ANKFN1: variants seen among roughly 807,000 people sequenced by gnomAD.
ANKFN1 encodes the protein ankyrin repeat and fibronectin type III domain containing 1.
Under a neutral mutation model 108.7 loss-of-function variants are expected in ANKFN1, and 74 were observed. That is an observed-to-expected ratio of 0.68 (90% confidence interval 0.56 to 0.83). ANKFN1 has a LOEUF of 0.83. Among genes scored for constraint, ANKFN1 ranks in the 40% least tolerant of loss-of-function variants. The pLI, the probability that ANKFN1 is intolerant of heterozygous loss-of-function variation, is 0.00. For missense variants in ANKFN1, 1,505 were observed against 1,382.3 expected, an observed-to-expected ratio of 1.09 and a Z score of -1.41; for synonymous variants, 547 against 516.2, an observed-to-expected ratio of 1.06 and a Z score of -0.81.
intron 4 of ANKFN1, among the ~76,000 whole-genome samples, chr17:56,124,295 T>G (rs141839521): frequency 2.7e-4 from 41 of 152,322 alleles, no homozygotes; most frequent in African/African-American, 9.4e-4. Context: ...TGCTGAGGCA[T>G]AGAGTACTGA....
chr17:56,096,159 T>A (rs1311005126), intron 4 of ANKFN1, among the ~76,000 whole-genome samples: 3 of 152,216 alleles, frequency 2.0e-5, no homozygotes, highest in Non-Finnish European at 4.4e-5. Context: ...TCCACATTTG[T>A]CCCTTCTCTA....
intron 4 of ANKFN1, among the ~76,000 whole-genome samples, chr17:56,049,601 C>T (rs1330517968): frequency 1.3e-5 from 2 of 150,766 alleles, no homozygotes; most frequent in African/African-American, 4.9e-5. Flanking sequence ...TCCATGTGTT[C>T]TCATAGTTCA....
At chr17:56,158,009 C>T (rs1909274865) in intron 1 of ANKFN1, among the ~76,000 whole-genome samples, 1 of 152,220 alleles carries the variant, frequency 6.6e-6, no homozygotes, top group Admixed American at 6.5e-5. Context: ...GGAGAACACC[C>T]CAGCTTTCAG....
intron 3 of ANKFN1, among the ~76,000 whole-genome samples, chr17:56,277,950 T>G (rs1375006891): frequency 6.6e-6 from 1 of 152,156 alleles, no homozygotes; most frequent in Admixed American, 6.5e-5. Flanking sequence ...ACGAATAAGA[T>G]CAAGACATGA....
chr17:56,266,423 A>G (rs7501479), intron 3 of ANKFN1, among the ~76,000 whole-genome samples: 13,502 of 152,094 alleles, frequency 0.089, 819 homozygotes, highest in African/African-American at 0.17. Flanking sequence ...CTTTCATTCA[A>G]AACCCTATTC....
At chr17:56,459,292 C>T (rs1339601116) in intron 14 of ANKFN1, among the ~76,000 whole-genome samples, 3 of 152,032 alleles carry the variant, frequency 2.0e-5, no homozygotes, top group African/African-American at 7.2e-5. Flanking sequence ...TGTATTTTTA[C>T]CAGAGACAGG....
intron 3 of ANKFN1, among the ~76,000 whole-genome samples, chr17:56,296,516 T>G (rs1333249988): frequency 2.6e-5 from 4 of 152,132 alleles, no homozygotes; most frequent in Non-Finnish European, 5.9e-5. Context: ...AAACCCCATC[T>G]CTACTTAAAA....
At chr17:56,457,012 G>C in intron 12 of ANKFN1, 52 bp downstream of exon 12, 1 of 1,530,724 alleles carries the variant, frequency 6.5e-7, no homozygotes, top group Non-Finnish European at 9.0e-7. Flanking sequence ...AGAATGCACT[G>C]GTTTTGGTTC....
At chr17:56,179,716 A>G (rs899962028) in intron 1 of ANKFN1, among the ~76,000 whole-genome samples, 1 of 152,204 alleles carries the variant, frequency 6.6e-6, no homozygotes, top group Non-Finnish European at 1.5e-5. Flanking sequence ...TGGTTGCTTC[A>G]TCTGTAAAAC....
upstream of ANKFN1, among the ~76,000 whole-genome samples, chr17:56,149,543 G>A (rs908221041): frequency 1.1e-4 from 17 of 152,316 alleles, 1 homozygote; most frequent in Admixed American, 9.2e-4. Flanking sequence ...AAACAGAGAG[G>A]GCTAGAGGCA....
At chr17:56,475,919 T>G (rs375368280) in intron 15 of ANKFN1, among the ~76,000 whole-genome samples, 1 of 152,210 alleles carries the variant, frequency 6.6e-6, no homozygotes, top group African/African-American at 2.4e-5. Context: ...GGAAGTTTAA[T>G]TGAATCACAG....
chr17:56,123,795 TTGTG>T (rs58283151), intron 4 of ANKFN1, among the ~76,000 whole-genome samples: 2,176 of 144,658 alleles, frequency 0.015, 23 homozygotes, highest in South Asian at 0.022. Flanking sequence ...GCATGACTGA[TTGTG>T]TGTGTGTGTG....
intron 1 of ANKFN1, among the ~76,000 whole-genome samples, chr17:56,158,077 C>T (rs924174504): frequency 2.0e-5 from 3 of 152,192 alleles, no homozygotes; most frequent in Non-Finnish European, 4.4e-5. Context: ...CATTAGGCTC[C>T]TCCCACTGAT....
At chr17:56,393,827 AC>A (rs1948314219) in intron 8 of ANKFN1, among the ~76,000 whole-genome samples, 1 of 152,230 alleles carries the variant, frequency 6.6e-6, no homozygotes, top group African/African-American at 2.4e-5. Context: ...TCTAGTCACC[AC>A]AAATGCAGCA....
chr17:56,468,417 T>C (rs2050205349), intron 15 of ANKFN1, among the ~76,000 whole-genome samples: 1 of 151,906 alleles, frequency 6.6e-6, no homozygotes, highest in African/African-American at 2.4e-5. Context: ...TTTCTTTTTT[T>C]CTTTCTCTGT....
At chr17:56,418,331 G>A (rs75406628) in intron 8 of ANKFN1, among the ~76,000 whole-genome samples, 81 of 152,214 alleles carry the variant, frequency 5.3e-4, no homozygotes, top group African/African-American at 1.9e-3. Context: ...TGCTTACATT[G>A]CCTGATATAA....
intron 3 of ANKFN1, among the ~76,000 whole-genome samples, chr17:56,282,292 T>TTG (rs112336440): frequency 0.068 from 10,009 of 147,780 alleles, 592 homozygotes; most frequent in African/African-American, 0.16. Context: ...GTGTGTGTGT[T>TTG]TGTGTGTGTG....
intron 4 of ANKFN1, among the ~76,000 whole-genome samples, chr17:56,132,755 GC>G (rs1907358287): frequency 2.6e-5 from 4 of 152,110 alleles, no homozygotes; most frequent in Admixed American, 2.6e-4. Flanking sequence ...CCGACTTCTG[GC>G]CATGTCCTCA....
chr17:56,201,542 A>G (rs1347293419), intron 1 of ANKFN1, among the ~76,000 whole-genome samples: 1 of 152,192 alleles, frequency 6.6e-6, no homozygotes, highest in African/African-American at 2.4e-5. Context: ...CTGACATATA[A>G]TGTATCCTTA....
Sources: gnomAD v4.1 joint callset for allele counts (sites outside exome capture counted in the v4.1 genomes callset) on GRCh38, gnomAD v4.1.1 for gene constraint, MANE v1.5 for transcripts, NCBI Gene and HGNC (gene_info 2026-07-23, HGNC 2026-07-21) for gene names.